The following TP73 variants were observed in gnomAD, a reference collection of about 807,000 sequenced individuals.
The protein encoded by TP73 is tumor protein p73, also known as p53-like transcription factor.
A neutral mutation model predicts 62.5 loss-of-function variants in TP73; 25 were observed. The ratio of observed to expected loss-of-function variants is 0.40; its 90% confidence interval spans 0.29 to 0.56. The LOEUF is 0.56. Among genes scored for constraint, TP73 ranks in the 20% least tolerant of loss-of-function variants. TP73 has a pLI of 0.46. For missense variants in TP73, 754 were observed against 913.3 expected (o/e 0.83, Z 2.25); for synonymous variants, 423 against 377.5 (o/e 1.12, Z -1.40).
chr1:3,707,543 C>T lies in TP73; in HGVS notation c.187-6C>T, dbSNP rs1229632909. 16 of 1,602,346 alleles carry T rather than the reference C, an allele frequency of 1.0e-5. No homozygotes were observed. The East Asian group carries it at 1.8e-4, about 18-fold the overall frequency. ...TCCCCCTCCCTCCTCCCCTTTCCCGCGCCAGGCCCAGTTCAATCTGCTGAG... is the reference window on the plus strand; with the variant it reads ...TCCCCCTCCCTCCTCCCCTTTCCCGTGCCAGGCCCAGTTCAATCTGCTGAG... On this transcript the variant is annotated splice_polypyrimidine_tract_variant and splice_region_variant and intron_variant, in intron 3 of 13. Transcript: ENST00000378295.
chr1:3,680,184 T>C (rs1031990068), intron 1 of TP73, among the ~76,000 whole-genome samples: 3 of 152,208 alleles, frequency 2.0e-5, no homozygotes, highest in Non-Finnish European at 2.9e-5. Flanking sequence ...TCATGTGTCC[T>C]GAGCATGAGG....
intron 5 of TP73, among the ~76,000 whole-genome samples, chr1:3,722,632 G>A (rs1402548241): frequency 6.6e-6 from 1 of 152,238 alleles, no homozygotes; most frequent in Non-Finnish European, 1.5e-5. Flanking sequence ...TGGGCCTGGT[G>A]GTCTCAGTTC....
At chr1:3,732,270 TCG>T (rs1195777336) in intron 13 of TP73, among the ~76,000 whole-genome samples, 21 of 152,334 alleles carry the variant, frequency 1.4e-4, no homozygotes, top group African/African-American at 5.1e-4. Flanking sequence ...TAACTGTCCC[TCG>T]TGCAGAGAGT....
At chr1:3,691,452 C>T (rs1362411351) in intron 3 of TP73, among the ~76,000 whole-genome samples, 5 of 152,130 alleles carry the variant, frequency 3.3e-5, no homozygotes, top group African/African-American at 9.7e-5. Context: ...GTCAGCCCCA[C>T]GGGCTCTTCT....
At chr1:3,660,709 T>C (rs1644970310) in intron 1 of TP73, among the ~76,000 whole-genome samples, 1 of 152,264 alleles carries the variant, frequency 6.6e-6, no homozygotes, top group Admixed American at 6.5e-5. Flanking sequence ...AAACCTGTAC[T>C]GGTCAAAGTC....
chr1:3,710,403 A>C (rs1164680378), intron 4 of TP73, among the ~76,000 whole-genome samples: 1 of 152,130 alleles, frequency 6.6e-6, no homozygotes. Flanking sequence ...GTCGGCTCAC[A>C]GTGCAGAACG....
chr1:3,700,079 G>A (rs190630617), intron 3 of TP73, among the ~76,000 whole-genome samples: 321 of 152,158 alleles, frequency 2.1e-3, no homozygotes, highest in Middle Eastern at 0.02. Flanking sequence ...CAGGAGCTCC[G>A]TCTTTCGAGC....
intron 3 of TP73, 115 bp from the exon 4 acceptor site, chr1:3,707,434 T>A: frequency 4.2e-6 from 6 of 1,418,426 alleles, no homozygotes; most frequent in Non-Finnish European, 5.8e-6. Flanking sequence ...GGGAAATATT[T>A]GGGATGACTG....
intron 6 of TP73, 81 bp downstream of exon 6, chr1:3,723,550 G>A: frequency 1.4e-6 from 1 of 697,068 alleles, no homozygotes; most frequent in Non-Finnish European, 2.5e-6. Context: ...GGCAGCCCCT[G>A]TCCCTCCTCA....
At chr1:3,691,914 A>G (rs1011793433) in intron 3 of TP73, among the ~76,000 whole-genome samples, 3 of 152,180 alleles carry the variant, frequency 2.0e-5, no homozygotes, top group African/African-American at 7.2e-5. Context: ...CAGTGTGACC[A>G]GGGTGTGTGT....
intron 1 of TP73, among the ~76,000 whole-genome samples, chr1:3,667,462 C>T (rs369597246): frequency 1.1e-4 from 17 of 152,298 alleles, no homozygotes; most frequent in Admixed American, 7.2e-4. Context: ...TAGGCATAAA[C>T]GAGGGCAGCT....
intron 6 of TP73, 144 bp downstream of exon 6, chr1:3,723,613 CTG>C: frequency 1.5e-6 from 1 of 671,290 alleles, no homozygotes; most frequent in Non-Finnish European, 2.6e-6. Flanking sequence ...GCTCCCTGCT[CTG>C]TGATAAGTCT....
chr1:3,717,597 G>C (rs1640714223), intron 4 of TP73, among the ~76,000 whole-genome samples: 1 of 152,172 alleles, frequency 6.6e-6, no homozygotes, highest in Non-Finnish European at 1.5e-5. Context: ...CTATAGAATA[G>C]GCTCCACCGG....
At position 3,729,997 on chromosome 1, in the gene TP73, C is replaced by T. The variant is rs1642002920; in HGVS notation, c.1197-3C>T. On this transcript the variant is annotated splice_region_variant and splice_polypyrimidine_tract_variant and intron_variant, in intron 10 of 13. Transcript: ENST00000378295. ...ACCCATGCGAGCCGTTGCTTCTGAG[C>T]AGGAGTCACCTACAGCCCCCGTCCT... 1 of 1,584,668 alleles carries T rather than the reference C, an allele frequency of 6.3e-7. No individual in the cohort carries two copies. Among genetic ancestry groups the T allele is most frequent in the Non-Finnish European group, 8.6e-7 (1 of 1,159,706 alleles).
In TP73 at chr1:3,662,723, C is replaced by T. The variant is rs1325369887; in HGVS notation, c.-34+10082C>T. ...TGGGGTGGGGTGGCGTGTCCTGAGC[C>T]CCAACCCAGGTGTCAGGGCTATGGA... On this transcript the variant is annotated intron_variant, in intron 1 of 13. Coordinates refer to ENST00000378295, the MANE Select transcript of TP73 (RefSeq NM_005427.4). The surrounding 1 kb of genome is among the most constrained non-coding windows in gnomAD (Gnocchi z 4.4). 2.0e-5 allele frequency among the ~76,000 whole-genome samples: 3 copies of T among 152,144 alleles called. No homozygotes were observed. Among genetic ancestry groups the T allele is most frequent in the Non-Finnish European group, 4.4e-5 (3 of 68,024 alleles).
chr1:3,665,818 C>CATT (rs1645099380), intron 1 of TP73, among the ~76,000 whole-genome samples: 2 of 97,104 alleles, frequency 2.1e-5, no homozygotes, highest in Non-Finnish European at 3.9e-5. Context: ...CCGTGCCCGG[C>CATT]CTTTTTTTTT....
intron 1 of TP73, among the ~76,000 whole-genome samples, chr1:3,661,952 G>A (rs1419098974): frequency 1.3e-5 from 2 of 149,478 alleles, no homozygotes; most frequent in African/African-American, 4.9e-5. Context: ...CCAGCTACTC[G>A]GGAGGCTGAG....
At chr1:3,671,076 A>G (rs3765699) in intron 1 of TP73, among the ~76,000 whole-genome samples, 10,506 of 152,252 alleles carry the variant, frequency 0.069, 500 homozygotes, top group East Asian at 0.17. Flanking sequence ...CGTGGGTGCC[A>G]TGCTGGTCAG....
At position 3,691,209 on chromosome 1, in the gene TP73, C is replaced by T. The variant is rs541722140; in HGVS notation, c.186+8029C>T. Among the ~76,000 whole-genome samples the T allele has an allele frequency of 9.9e-5, 15 of 152,166 alleles. No homozygotes were observed. In the South Asian group the frequency reaches 1.7e-3, roughly 17 times the overall value. On this transcript the variant is annotated intron_variant, in intron 3 of 13. Transcript: ENST00000378295. ...CAGGGAGAGGAGGCCGGGTCCATGC[C>T]GATGGGGCTGCTGGTGTTTCTGCCT...
Sources: allele counts gnomAD v4.1 joint callset (sites outside exome capture counted in the v4.1 genomes callset), GRCh38; gene constraint gnomAD v4.1.1; non-coding constraint Gnocchi (gnomAD v3.1); transcripts MANE v1.5; gene names NCBI Gene and HGNC (gene_info 2026-07-23, HGNC 2026-07-21).